KALRN: variants seen among roughly 807,000 people sequenced by gnomAD.
KALRN encodes the protein kalirin RhoGEF kinase.
KALRN carries 70 observed loss-of-function variants against 353.7 expected under a neutral mutation model. The observed-to-expected ratio is 0.20, with a 90% confidence interval of 0.16 to 0.24. The LOEUF is 0.24. Ranked by LOEUF, KALRN falls within the 10% of genes least tolerant of loss-of-function variation. KALRN has a pLI of 1.00. For synonymous variants in KALRN, 1,391 were observed against 1,434.8 expected (o/e 0.97, Z 0.69); for missense variants, 2,791 against 3,756.7 (o/e 0.74, Z 6.72).
At chr3:124,423,921 T>C (rs2092901174) in intron 15 of KALRN, among the ~76,000 whole-genome samples, 1 of 152,202 alleles carries the variant, frequency 6.6e-6, no homozygotes, top group Admixed American at 6.5e-5. Flanking sequence ...GACTAAGTGG[T>C]AATTGTTTTA....
intron 34 of KALRN, among the ~76,000 whole-genome samples, chr3:124,585,203 G>A (rs1368118839): frequency 2.6e-5 from 4 of 152,236 alleles, no homozygotes; most frequent in East Asian, 3.8e-4. Flanking sequence ...CTGCTAGGGA[G>A]TGGGATGCGG....
At chr3:124,542,595 A>G (rs1007216377) in intron 33 of KALRN, among the ~76,000 whole-genome samples, 1 of 152,294 alleles carries the variant, frequency 6.6e-6, no homozygotes, top group African/African-American at 2.4e-5. Context: ...AGAGAGCTCA[A>G]GGTTGTTACC....
At chr3:124,315,536 C>T (rs547281736) in intron 6 of KALRN, among the ~76,000 whole-genome samples, 7 of 152,194 alleles carry the variant, frequency 4.6e-5, no homozygotes, top group South Asian at 2.1e-4. Context: ...TCTCTACCCA[C>T]GATCCTGGGA....
intron 58 of KALRN, among the ~76,000 whole-genome samples, chr3:124,716,599 G>C (rs914665313): frequency 6.6e-6 from 1 of 152,150 alleles, no homozygotes; most frequent in Non-Finnish European, 1.5e-5. Flanking sequence ...ATAATGCAAA[G>C]AACAAACTTT....
chr3:124,577,870 C>T (rs983832430), intron 34 of KALRN, among the ~76,000 whole-genome samples: 1 of 50,192 alleles, frequency 2.0e-5, no homozygotes, highest in African/African-American at 1.7e-4. Context: ...CAAAACAAAA[C>T]AAACAAACAA....
intron 1 of KALRN, among the ~76,000 whole-genome samples, chr3:124,195,793 T>G (rs927978286): frequency 2.0e-5 from 3 of 152,240 alleles, no homozygotes; most frequent in Admixed American, 6.5e-5. Context: ...GCTGCTGAAG[T>G]CTGCAAAGGC....
intron 1 of KALRN, among the ~76,000 whole-genome samples, chr3:124,089,817 A>C (rs1016760479): frequency 6.6e-6 from 1 of 151,948 alleles, no homozygotes; most frequent in Non-Finnish European, 1.5e-5. Flanking sequence ...GCCTGTGAAG[A>C]CCTAGGGAAG....
chr3:124,245,798 G>T (rs13315974), intron 3 of KALRN, among the ~76,000 whole-genome samples: 1 of 151,650 alleles, frequency 6.6e-6, no homozygotes, highest in African/African-American at 2.4e-5. Context: ...TGTACCTGTT[G>T]GCCATTTTGT....
chr3:124,580,391 G>A (rs1002254302), intron 34 of KALRN, among the ~76,000 whole-genome samples: 1 of 152,070 alleles, frequency 6.6e-6, no homozygotes, highest in Non-Finnish European at 1.5e-5. Context: ...GGGGACTCAG[G>A]CAGCAATGGC....
At chr3:124,461,845 A>T in intron 23 of KALRN, 45 bp from the exon 24 acceptor site, 1 of 1,397,878 alleles carries the variant, frequency 7.2e-7, no homozygotes, top group Non-Finnish European at 1.0e-6. Context: ...AGGAGGAGAG[A>T]CATTATATCT....
intron 31 of KALRN, among the ~76,000 whole-genome samples, chr3:124,492,383 C>CCTG: frequency 6.6e-6 from 1 of 152,186 alleles, no homozygotes; most frequent in African/African-American, 2.4e-5. Context: ...CCCACCAGAC[C>CCTG]TCCCCAGGAT....
intron 51 of KALRN, among the ~76,000 whole-genome samples, chr3:124,688,349 T>C (rs11707771): frequency 0.033 from 5,006 of 151,880 alleles, 110 homozygotes; most frequent in East Asian, 0.078. Flanking sequence ...AGGAATATTT[T>C]CTAAAACTTT....
At chr3:124,359,744 G>A (rs190905186) in intron 10 of KALRN, among the ~76,000 whole-genome samples, 65 of 152,282 alleles carry the variant, frequency 4.3e-4, no homozygotes, top group Middle Eastern at 3.4e-3. Flanking sequence ...CATAAATGGC[G>A]GTCTCTGTGG....
At chr3:124,449,489 G>A (rs575222099) in intron 21 of KALRN, among the ~76,000 whole-genome samples, 6 of 152,254 alleles carry the variant, frequency 3.9e-5, no homozygotes, top group Non-Finnish European at 7.4e-5. Context: ...CAAGGCACAC[G>A]GAGATGGGGA....
intron 1 of KALRN, among the ~76,000 whole-genome samples, chr3:124,148,284 T>C (rs1232335032): frequency 3.3e-5 from 5 of 152,200 alleles, no homozygotes; most frequent in Non-Finnish European, 1.5e-5. Flanking sequence ...TCTAAGAACA[T>C]GTGCTTATGG....
At chr3:124,623,375 TATA>T (rs1436937392) in intron 34 of KALRN, among the ~76,000 whole-genome samples, 1 of 39,642 alleles carries the variant, frequency 2.5e-5, no homozygotes, top group African/African-American at 1.7e-4. Context: ...TAATAGGAGA[TATA>T]TATATATATA....
chr3:124,623,632 A>G lies in KALRN; in HGVS notation c.5183-8788A>G, dbSNP rs1578421714. Reference sequence around the variant, plus strand: ...TTTTCACGTTTTATCTGCCTGCTTTATATTCTAACTGCGCTGGCAGCTGAT... The same window carrying G: ...TTTTCACGTTTTATCTGCCTGCTTTGTATTCTAACTGCGCTGGCAGCTGAT... On this transcript the variant is annotated intron_variant, in intron 34 of 59. Coordinates refer to ENST00000682506, the MANE Select transcript of KALRN (RefSeq NM_001388419.1). Among the ~76,000 whole-genome samples, 4 of 152,248 alleles carry G rather than the reference A, an allele frequency of 2.6e-5. No homozygotes were observed. In the East Asian group the frequency reaches 7.7e-4, roughly 29 times the overall value.
chr3:124,572,904 G>A (rs989542161), intron 34 of KALRN, among the ~76,000 whole-genome samples: 2 of 151,986 alleles, frequency 1.3e-5, no homozygotes, highest in Admixed American at 6.6e-5. Context: ...GGGCATGGTG[G>A]TGAGTGCCTA....
At chr3:124,151,899 A>T in intron 1 of KALRN, 1 of 617,504 alleles carries the variant, frequency 1.6e-6, no homozygotes, top group South Asian at 2.1e-5. Flanking sequence ...TTTGTATTCA[A>T]TTTGAGAGCA....
Sources: allele counts gnomAD v4.1 joint callset (sites outside exome capture counted in the v4.1 genomes callset), GRCh38; gene constraint gnomAD v4.1.1; transcripts MANE v1.5; gene names NCBI Gene and HGNC (gene_info 2026-07-23, HGNC 2026-07-21).